The following BAIAP2 variants were observed in gnomAD, a reference collection of about 807,000 sequenced individuals.
BAIAP2 encodes BAR/IMD domain-containing adapter protein 2.
Under a neutral mutation model 63.0 loss-of-function variants are expected in BAIAP2, and 18 were observed. That is an observed-to-expected ratio of 0.29 (90% CI 0.20 to 0.42). The LOEUF (loss-of-function observed/expected upper bound fraction) is 0.42. Among genes scored for constraint, BAIAP2 ranks in the 10% least tolerant of loss-of-function variants. The pLI is 1.00. For synonymous variants in BAIAP2, 386 were observed against 307.6 expected (o/e 1.25, Z -2.67); for missense variants, 610 against 734.3 (o/e 0.83, Z 1.96).
At chr17:81,057,609 CT>C in intron 2 of BAIAP2, 1 of 1,186,708 alleles carries the variant, frequency 8.4e-7, no homozygotes, top group East Asian at 4.1e-5. Context: ...TAGGGATCAG[CT>C]CTCTGCAATT....
At chr17:81,115,313 C>A (rs1598880197) in intron 13 of BAIAP2, among the ~76,000 whole-genome samples, 1 of 152,228 alleles carries the variant, frequency 6.6e-6, no homozygotes, top group East Asian at 1.9e-4. Flanking sequence ...GCCCCCATGC[C>A]AGGGCTGGGC....
At chr17:81,053,482 A>AT in intron 1 of BAIAP2, 186 bp from the exon 2 acceptor site, 1 of 640,570 alleles carries the variant, frequency 1.6e-6, no homozygotes, top group Non-Finnish European at 2.7e-6. Flanking sequence ...CAGGAAGGTC[A>AT]TTTTCCCAAG....
intron 6 of BAIAP2, among the ~76,000 whole-genome samples, chr17:81,093,938 C>T (rs761899989): frequency 6.6e-6 from 1 of 151,452 alleles, no homozygotes; most frequent in Admixed American, 6.6e-5. Context: ...ACCCCTCCCC[C>T]CCACCACCCC....
chr17:81,079,521 C>T (rs1568127702), intron 3 of BAIAP2, among the ~76,000 whole-genome samples: 1 of 151,990 alleles, frequency 6.6e-6, no homozygotes, highest in African/African-American at 2.4e-5. Context: ...CTCCGATGCT[C>T]CTCCTCCTCC....
Position 81,106,878 on chromosome 17 carries a change from T to C in BAIAP2, c.1471T>C (p.Tyr491His). The C allele has an allele frequency of 6.3e-7, 1 of 1,594,860 alleles. No individual in the cohort carries two copies. The highest frequency in any genetic ancestry group is 8.5e-7 in the Non-Finnish European group (1 of 1,171,054). The change falls in exon 12 of 14, where the codon TAC becomes CAC. Residue 491 changes from tyrosine (Y) to histidine (H), a missense_variant. Transcript: ENST00000428708. Reference sequence around the variant, plus strand: ...GGCCAGCGGCTTCAAGCAGAGGCCCTACAGTGTGGCCGTGCCCGCCTTCTC... The same window carrying C: ...GGCCAGCGGCTTCAAGCAGAGGCCCCACAGTGTGGCCGTGCCCGCCTTCTC... ...QTASGFKQRPYSVAVPAFSQG... is the reference protein window; with the variant it reads ...QTASGFKQRPHSVAVPAFSQG...
intron 13 of BAIAP2, chr17:81,109,339 C>T: frequency 6.2e-6 from 7 of 1,135,304 alleles, no homozygotes; most frequent in Non-Finnish European, 7.5e-6. Flanking sequence ...TCGCCGTGAG[C>T]CAGGTCTAAA....
intron 4 of BAIAP2, chr17:81,085,127 C>T (rs971933876): frequency 1.4e-5 from 8 of 582,044 alleles, no homozygotes; most frequent in African/African-American, 5.6e-5. Flanking sequence ...AGCCATGACA[C>T]GCTGGGCTCC....
At chr17:81,048,660 T>C (rs1405146013) in intron 1 of BAIAP2, among the ~76,000 whole-genome samples, 2 of 152,084 alleles carry the variant, frequency 1.3e-5, no homozygotes, top group Non-Finnish European at 2.9e-5. Context: ...TCATCAATGT[T>C]CTCTGACGGC....
chr17:81,083,881 C>T (rs918757094), intron 3 of BAIAP2: 1 of 152,332 alleles, frequency 6.6e-6, no homozygotes, highest in South Asian at 2.1e-4. Context: ...CAGCTCCTCT[C>T]TCTGTGCCCC....
intron 3 of BAIAP2, among the ~76,000 whole-genome samples, chr17:81,079,752 G>A (rs144343829): frequency 7.2e-5 from 11 of 152,330 alleles, no homozygotes; most frequent in African/African-American, 2.4e-4. Flanking sequence ...GCCCTGGCCC[G>A]CTGGCACTCA....
chr17:81,098,206 C>G, intron 6 of BAIAP2: 1 of 1,408,376 alleles, frequency 7.1e-7, no homozygotes, highest in Non-Finnish European at 9.3e-7. Context: ...GTGAGTCATA[C>G]AACAAGCCCT....
Position 81,115,952 on chromosome 17 carries a change from T to C in BAIAP2, c.*113T>C. The C allele has an allele frequency of 6.5e-7, 1 of 1,531,256 alleles. No homozygotes were observed. The highest frequency in any genetic ancestry group is 1.2e-5 in the South Asian group (1 of 84,186). The allele number at this position is 1,531,256 out of a possible 1,614,324, so 94.9% of individuals were successfully genotyped here. ...AGAGAACATCCAGGCCCCGGCTGCCTGGTCTTGCCCCACTTGAGTCTGGCC... is the reference window on the plus strand; with the variant it reads ...AGAGAACATCCAGGCCCCGGCTGCCCGGTCTTGCCCCACTTGAGTCTGGCC... On this transcript the variant is annotated 3_prime_UTR_variant, in exon 14 of 14. Coordinates refer to ENST00000428708, the MANE Select transcript of BAIAP2 (RefSeq NM_001144888.2).
intron 1 of BAIAP2, among the ~76,000 whole-genome samples, chr17:81,047,820 C>T (rs1461226321): frequency 6.6e-6 from 1 of 152,080 alleles, no homozygotes; most frequent in Admixed American, 6.5e-5. Flanking sequence ...GGTCCACATG[C>T]ATCTAGCACA....
intron 13 of BAIAP2, 108 bp downstream of exon 13, chr17:81,108,617 C>G (rs1244272773): frequency 7.1e-7 from 1 of 1,407,648 alleles, no homozygotes; most frequent in Non-Finnish European, 9.9e-7. Flanking sequence ...CCTTTAGGGC[C>G]CAGCCTGGCC....
chr17:81,066,443 C>T (rs1351231678), intron 3 of BAIAP2, among the ~76,000 whole-genome samples: 2 of 152,214 alleles, frequency 1.3e-5, no homozygotes, highest in African/African-American at 2.4e-5. Flanking sequence ...CTGCAGTGCA[C>T]GCCTCGTTGT....
intron 6 of BAIAP2, among the ~76,000 whole-genome samples, chr17:81,099,126 G>A (rs1342109260): frequency 2.6e-5 from 4 of 152,266 alleles, no homozygotes; most frequent in Non-Finnish European, 2.9e-5. Flanking sequence ...TCCGAAAGGC[G>A]TGACCTGTGG....
At chr17:81,104,244 A>T (rs949484852) in intron 9 of BAIAP2, 136 bp downstream of exon 9, 6 of 1,007,242 alleles carry the variant, frequency 6.0e-6, no homozygotes, top group Admixed American at 4.6e-5. Flanking sequence ...ACCTACATGC[A>T]TGTGGTACAC....
intron 2 of BAIAP2, chr17:81,057,194 G>A (rs1386372192): frequency 6.6e-6 from 1 of 152,440 alleles, no homozygotes; most frequent in East Asian, 1.9e-4. Context: ...TCAGGTGGAG[G>A]AGTTTGCCAG....
At chr17:81,092,321 C>T (rs1763763794) in intron 6 of BAIAP2, among the ~76,000 whole-genome samples, 4 of 152,200 alleles carry the variant, frequency 2.6e-5, no homozygotes, top group Middle Eastern at 3.2e-3. Flanking sequence ...GCGCACTGCC[C>T]GCCTCCACTG....
Sources: allele counts gnomAD v4.1 joint callset (sites outside exome capture counted in the v4.1 genomes callset), GRCh38; gene constraint gnomAD v4.1.1; transcripts MANE v1.5; gene names NCBI Gene and HGNC (gene_info 2026-07-23, HGNC 2026-07-21).